GRIP1: variants seen among roughly 807,000 people sequenced by gnomAD.
GRIP1 encodes the protein glutamate receptor interacting protein 1.
In GRIP1, 45 loss-of-function variants were observed where a neutral mutation model predicts 129.9. That is an observed-to-expected ratio of 0.35 (90% CI 0.27 to 0.44). The LOEUF is 0.44. Ranked by LOEUF, GRIP1 falls within the 20% of genes least tolerant of loss-of-function variation. The probability of loss-of-function intolerance (pLI) is 1.00; values close to 1 mark genes in which losing one functional copy is unlikely to be tolerated. For synonymous variants in GRIP1, 530 were observed against 520.8 expected (o/e 1.02, Z -0.24); for missense variants, 1,196 against 1,396.8 (o/e 0.86, Z 2.29).
chr12:66,964,268 C>T (rs979976097), intron 1 of GRIP1, among the ~76,000 whole-genome samples: 1 of 151,992 alleles, frequency 6.6e-6, no homozygotes, highest in Admixed American at 6.6e-5. Context: ...AGAAATATAC[C>T]AGTTAACAAA....
intron 11 of GRIP1, among the ~76,000 whole-genome samples, chr12:66,448,665 C>G (rs186230090): frequency 6.6e-6 from 1 of 152,282 alleles, no homozygotes; most frequent in African/African-American, 2.4e-5. Context: ...TCCTCAAACT[C>G]AATGTTTTCA....
chr12:66,665,905 A>G (rs1208653301), intron 1 of GRIP1, among the ~76,000 whole-genome samples: 2 of 152,090 alleles, frequency 1.3e-5, no homozygotes, highest in Non-Finnish European at 2.9e-5. Flanking sequence ...GAAAGTTCCA[A>G]TTGCTTTAAA....
chr12:66,565,886 A>T (rs2062738011), intron 2 of GRIP1, among the ~76,000 whole-genome samples: 1 of 152,150 alleles, frequency 6.6e-6, no homozygotes. Context: ...TCTTTGAAAC[A>T]ATTGTGAATG....
chr12:66,963,874 C>T (rs2041958064), intron 1 of GRIP1, among the ~76,000 whole-genome samples: 1 of 152,164 alleles, frequency 6.6e-6, no homozygotes, highest in African/African-American at 2.4e-5. Context: ...GTACCTCCAA[C>T]CCAGACCCAA....
chr12:66,871,162 C>T (rs1049223142), intron 1 of GRIP1, among the ~76,000 whole-genome samples: 2 of 151,860 alleles, frequency 1.3e-5, no homozygotes, highest in Admixed American at 6.6e-5. Flanking sequence ...GGTCTTCTGG[C>T]CTTTTGCTTA....
intron 1 of GRIP1, among the ~76,000 whole-genome samples, chr12:66,724,151 T>C (rs1260423602): frequency 6.6e-6 from 1 of 152,186 alleles, no homozygotes; most frequent in African/African-American, 2.4e-5. Flanking sequence ...AAGTTGGAAA[T>C]AGCTTTTTGG....
chr12:66,600,144 A>G (rs1264492287), intron 1 of GRIP1, among the ~76,000 whole-genome samples: 2 of 152,230 alleles, frequency 1.3e-5, no homozygotes, highest in African/African-American at 2.4e-5. Flanking sequence ...CCTAAAGCAA[A>G]CAACACTTAC....
At chr12:66,664,687 TGTG>T (rs775844537) in intron 1 of GRIP1, among the ~76,000 whole-genome samples, 1 of 152,200 alleles carries the variant, frequency 6.6e-6, no homozygotes, top group African/African-American at 2.4e-5. Context: ...CCTTAATAAT[TGTG>T]GTGAAGAATG....
chr12:66,463,063 G>A lies in GRIP1; in HGVS notation c.903C>T (p.Ile301=). Residue 301 remains isoleucine, a synonymous_variant, in exon 9 of 25, where the codon ATC becomes ATT. Transcript: ENST00000359742. ...RCGALHVGDH[I]LSIDGTSMEY... ...CCATGCTGGTTCCATCGATGGAGAG[G>A]ATGTGATCTCCCACATGCAATGCGC... 6.2e-7 allele frequency: 1 copy of A among 1,613,682 alleles called. No individual in the cohort carries two copies.
chr12:66,650,505 T>A (rs2032715487), intron 1 of GRIP1, among the ~76,000 whole-genome samples: 1 of 152,182 alleles, frequency 6.6e-6, no homozygotes, highest in Non-Finnish European at 1.5e-5. Flanking sequence ...GTCAGTAAGA[T>A]GAGTTGCATA....
intron 1 of GRIP1, among the ~76,000 whole-genome samples, chr12:66,642,309 C>T (rs1474846492): frequency 6.6e-6 from 1 of 151,962 alleles, no homozygotes; most frequent in Non-Finnish European, 1.5e-5. Context: ...AGCTAGAACT[C>T]CAGCATGTGA....
Position 66,584,656 on chromosome 12 carries a change from G to A in GRIP1, c.136+12191C>T, listed in dbSNP as rs556028986. On this transcript the variant is annotated intron_variant, in intron 2 of 24. Coordinates refer to ENST00000359742, the MANE Select transcript of GRIP1 (RefSeq NM_001366722.1). ...GGAATATGCTATATGGGAATGTCAC[G>A]GGCCTCAGCATTAGAAGGGTAAGTT... Among the ~76,000 whole-genome samples the A allele has an allele frequency of 8.5e-5, 13 of 152,198 alleles. No individual in the cohort carries two copies. In the South Asian group the frequency reaches 1.2e-3, roughly 15 times the overall value.
intron 1 of GRIP1, among the ~76,000 whole-genome samples, chr12:66,944,478 T>G (rs2041634837): frequency 6.6e-6 from 1 of 151,244 alleles, no homozygotes; most frequent in Non-Finnish European, 1.5e-5. Context: ...CAGGGCACTT[T>G]GCTGAACAGA....
chr12:66,919,147 T>G (rs972045343), intron 1 of GRIP1, among the ~76,000 whole-genome samples: 5 of 152,142 alleles, frequency 3.3e-5, no homozygotes, highest in Non-Finnish European at 5.9e-5. Context: ...CATAGTCCAA[T>G]AAGAAGGAAA....
At chr12:66,898,741 T>C (rs918693292) in intron 1 of GRIP1, among the ~76,000 whole-genome samples, 8 of 152,138 alleles carry the variant, frequency 5.3e-5, no homozygotes, top group African/African-American at 1.9e-4. Context: ...TTTCTTTTTA[T>C]GACACTCTTT....
chr12:66,360,514 C>T lies in GRIP1; in HGVS notation c.3013-6951G>A, dbSNP rs150413087. Among the ~76,000 whole-genome samples the T allele has an allele frequency of 5.3e-5, 8 of 152,296 alleles. No individual in the cohort carries two copies. In the East Asian group the frequency reaches 1.5e-3, roughly 29 times the overall value. On this transcript the variant is annotated intron_variant, in intron 23 of 24. Coordinates refer to ENST00000359742, the MANE Select transcript of GRIP1 (RefSeq NM_001366722.1). Reference sequence around the variant, plus strand: ...TTTCTGTTCTAAAAGAGCCAGTGAGCTTCTCGGAACATAACACTCAGGGCT... The same window carrying T: ...TTTCTGTTCTAAAAGAGCCAGTGAGTTTCTCGGAACATAACACTCAGGGCT...
intron 20 of GRIP1, among the ~76,000 whole-genome samples, 174 bp from the exon 21 acceptor site, chr12:66,377,459 C>G (rs1459420578): frequency 6.6e-6 from 1 of 151,380 alleles, no homozygotes; most frequent in Non-Finnish European, 1.5e-5. Context: ...TCCCGAGTAG[C>G]TGGGACTACA....
intron 1 of GRIP1, among the ~76,000 whole-genome samples, chr12:66,601,076 G>A (rs150209293): frequency 3.8e-4 from 58 of 152,260 alleles, no homozygotes; most frequent in African/African-American, 1.3e-3. Context: ...AGGGAGAATT[G>A]ACATGGTGAC....
chr12:66,880,688 C>T (rs1213468226), intron 1 of GRIP1, among the ~76,000 whole-genome samples: 1 of 152,050 alleles, frequency 6.6e-6, no homozygotes, highest in Non-Finnish European at 1.5e-5. Flanking sequence ...GAGGAAAACA[C>T]CAGCCATGGA....
Sources: gnomAD v4.1 joint callset for allele counts (sites outside exome capture counted in the v4.1 genomes callset) on GRCh38, gnomAD v4.1.1 for gene constraint, MANE v1.5 for transcripts, NCBI Gene and HGNC (gene_info 2026-07-23, HGNC 2026-07-21) for gene names.